Variants in DCC observed in about 807,000 individuals in gnomAD.
The protein encoded by DCC is netrin receptor DCC.
In DCC, 58 loss-of-function variants were observed where a neutral mutation model predicts 172.5. That is an observed-to-expected ratio of 0.34 (90% CI 0.27 to 0.42). The LOEUF is 0.42. Ranked by LOEUF, DCC falls within the 10% of genes least tolerant of loss-of-function variation. The pLI is 1.00. For synonymous variants in DCC, 709 were observed against 644.5 expected, an observed-to-expected ratio of 1.10 and a Z score of -1.52; for missense variants, 1,740 against 1,791.0, an observed-to-expected ratio of 0.97 and a Z score of 0.51.
chr18:53,459,476 G>T lies in DCC; in HGVS notation c.3619+18G>T. 6.7e-7 allele frequency: 1 copy of T among 1,485,668 alleles called. No individual in the cohort carries two copies. Among genetic ancestry groups the T allele is most frequent in the Non-Finnish European group, 9.4e-7 (1 of 1,064,764 alleles). 92.0% of individuals were successfully genotyped at this position (1,485,668 alleles called of 1,614,324 possible). On this transcript the variant is annotated intron_variant, in intron 24 of 28. Coordinates refer to ENST00000442544, the MANE Select transcript of DCC (RefSeq NM_005215.4). ...TCATTCAGGTAATTATCTTTTCACTGGCATTAGGGAAAACATACCATTCTG... is the reference window on the plus strand; with the variant it reads ...TCATTCAGGTAATTATCTTTTCACTTGCATTAGGGAAAACATACCATTCTG...
intron 1 of DCC, among the ~76,000 whole-genome samples, chr18:52,355,302 A>G (rs1047153722): frequency 2.6e-5 from 4 of 152,036 alleles, no homozygotes; most frequent in African/African-American, 4.8e-5. Context: ...GTTTGAGAAG[A>G]CCCTTTTCTA....
chr18:52,828,950 G>A (rs1055754188), intron 2 of DCC, among the ~76,000 whole-genome samples: 1 of 152,164 alleles, frequency 6.6e-6, no homozygotes, highest in Non-Finnish European at 1.5e-5. Flanking sequence ...TGTTTAAGAT[G>A]ATGACAGTTT....
chr18:52,994,737 C>G (rs541908631), intron 5 of DCC, among the ~76,000 whole-genome samples: 1 of 152,208 alleles, frequency 6.6e-6, no homozygotes, highest in South Asian at 2.1e-4. Context: ...TTTATGAACT[C>G]TTATAATGGA....
At chr18:52,444,686 C>T (rs1988068327) in intron 1 of DCC, among the ~76,000 whole-genome samples, 2 of 152,140 alleles carry the variant, frequency 1.3e-5, no homozygotes, top group African/African-American at 4.8e-5. Flanking sequence ...ACCACATTCT[C>T]CTGTGATCTA....
intron 3 of DCC, among the ~76,000 whole-genome samples, chr18:52,910,729 G>T (rs1445187788): frequency 1.3e-5 from 2 of 152,104 alleles, no homozygotes; most frequent in Non-Finnish European, 2.9e-5. Context: ...GAATTCTTTA[G>T]TTTGCCTAAT....
rs185483723 is a variant in DCC, at chr18:53,324,879, A to T, written c.2164+2722A>T. Among the ~76,000 whole-genome samples, 99 of 152,242 alleles carry T rather than the reference A, an allele frequency of 6.5e-4. 1 individual carries two copies. The highest frequency in any genetic ancestry group is 3.4e-3 in the Middle Eastern group (1 of 294). ...TATTAGCCTTATTTTATGGGAGACTAAGTTAAGCTATGAAAATTTAACTAA... is the reference window on the plus strand; with the variant it reads ...TATTAGCCTTATTTTATGGGAGACTTAGTTAAGCTATGAAAATTTAACTAA... On this transcript the variant is annotated intron_variant, in intron 14 of 28. Coordinates refer to ENST00000442544, the MANE Select transcript of DCC (RefSeq NM_005215.4).
chr18:53,420,078 T>C (rs1910552787), intron 21 of DCC, among the ~76,000 whole-genome samples: 2 of 151,952 alleles, frequency 1.3e-5, no homozygotes. Context: ...ATGGTCTCAA[T>C]CCTCCTGACC....
At chr18:53,275,199 T>G (rs1259208982) in intron 12 of DCC, among the ~76,000 whole-genome samples, 1 of 152,206 alleles carries the variant, frequency 6.6e-6, no homozygotes, top group Middle Eastern at 3.4e-3. Context: ...AAACATGCAT[T>G]GAAAAAACTA....
intron 1 of DCC, among the ~76,000 whole-genome samples, chr18:52,369,089 G>A (rs774842393): frequency 6.6e-6 from 1 of 152,096 alleles, no homozygotes; most frequent in African/African-American, 2.4e-5. Context: ...TTCTTTGTAC[G>A]AAAAACCGGG....
intron 3 of DCC, among the ~76,000 whole-genome samples, chr18:52,923,000 T>A (rs2040147948): frequency 6.6e-6 from 1 of 152,092 alleles, no homozygotes. Flanking sequence ...TGAATAGTGT[T>A]CCATATATAG....
intron 2 of DCC, among the ~76,000 whole-genome samples, chr18:52,898,220 C>T (rs922657911): frequency 2.0e-5 from 3 of 152,176 alleles, no homozygotes; most frequent in Non-Finnish European, 2.9e-5. Context: ...TGATAAGTCT[C>T]TTTTTATTAA....
intron 5 of DCC, among the ~76,000 whole-genome samples, chr18:53,023,241 C>T (rs1272987205): frequency 6.6e-6 from 1 of 151,036 alleles, no homozygotes; most frequent in African/African-American, 2.4e-5. Context: ...CAAGATTCTT[C>T]TAAGAATATA....
At chr18:53,096,198 G>A (rs913767597) in intron 7 of DCC, among the ~76,000 whole-genome samples, 2 of 151,914 alleles carry the variant, frequency 1.3e-5, no homozygotes, top group African/African-American at 4.8e-5. Context: ...AATTAGCCAG[G>A]TATGGTCCTG....
At chr18:52,478,114 G>T (rs1406118438) in intron 1 of DCC, among the ~76,000 whole-genome samples, 1 of 152,024 alleles carries the variant, frequency 6.6e-6, no homozygotes, top group Non-Finnish European at 1.5e-5. Flanking sequence ...CCGGTCCCTG[G>T]TCTATATGTA....
chr18:53,330,583 G>T (rs1023937442), intron 14 of DCC, among the ~76,000 whole-genome samples: 2 of 152,044 alleles, frequency 1.3e-5, no homozygotes, highest in African/African-American at 4.8e-5. Flanking sequence ...CAGATATGAC[G>T]ATGTCAGTTC....
At chr18:52,457,443 G>A (rs1403137384) in intron 1 of DCC, among the ~76,000 whole-genome samples, 1 of 152,102 alleles carries the variant, frequency 6.6e-6, no homozygotes, top group African/African-American at 2.4e-5. Flanking sequence ...TAGAGATGAT[G>A]GGCACAGGGG....
At chr18:52,357,441 C>T (rs1046661230) in intron 1 of DCC, among the ~76,000 whole-genome samples, 2 of 152,124 alleles carry the variant, frequency 1.3e-5, no homozygotes, top group African/African-American at 4.8e-5. Flanking sequence ...AGAAAATCAA[C>T]CAAGTAGTTT....
rs542830616 is a variant in DCC at position 52,947,860 on chromosome 18, A to G, written c.985+22490A>G. Among the ~76,000 whole-genome samples the G allele has an allele frequency of 4.6e-5, 7 of 152,302 alleles. No individual in the cohort carries two copies. In the East Asian group the frequency reaches 7.7e-4, roughly 17 times the overall value. On this transcript the variant is annotated intron_variant, in intron 5 of 28. Coordinates refer to ENST00000442544, the MANE Select transcript of DCC (RefSeq NM_005215.4). ...CTTAAATGATTCTTACTGAATTTCAAACCTTGAGGAGAGGACACTGTGGTG... is the reference window on the plus strand; with the variant it reads ...CTTAAATGATTCTTACTGAATTTCAGACCTTGAGGAGAGGACACTGTGGTG...
At chr18:53,358,367 CA>C (rs571966258) in intron 15 of DCC, among the ~76,000 whole-genome samples, 104 of 151,348 alleles carry the variant, frequency 6.9e-4, no homozygotes, top group Non-Finnish European at 1.4e-3. Flanking sequence ...TGTTTACTTA[CA>C]AAAAAAATTT....
Sources: gnomAD v4.1 joint callset for allele counts (sites outside exome capture counted in the v4.1 genomes callset) on GRCh38, gnomAD v4.1.1 for gene constraint, MANE v1.5 for transcripts, NCBI Gene and HGNC (gene_info 2026-07-23, HGNC 2026-07-21) for gene names.